Variants in ZNF567 observed in about 807,000 individuals in gnomAD.
ZNF567 encodes zinc finger protein 567.
In ZNF567, 36 loss-of-function variants were observed where a neutral mutation model predicts 53.9. That is an observed-to-expected ratio of 0.67 (90% CI 0.51 to 0.88). ZNF567 has a LOEUF of 0.88. Ranked by LOEUF, ZNF567 falls within the 40% of genes least tolerant of loss-of-function variation. ZNF567 has a pLI of 0.00. For missense variants in ZNF567, 619 were observed against 764.7 expected, an observed-to-expected ratio of 0.81 and a Z score of 2.25; for synonymous variants, 224 against 260.4, an observed-to-expected ratio of 0.86 and a Z score of 1.35.
At chr19:36,726,270 T>G (rs1568725365), downstream of ZNF567, among the ~76,000 whole-genome samples, 2 of 152,258 alleles carry the variant, frequency 1.3e-5, no homozygotes, top group Non-Finnish European at 2.9e-5. Flanking sequence ...ATCATTGTCA[T>G]TTTCATGCTC....
At chr19:36,680,372 A>C in the ZNF567 span, among the ~76,000 whole-genome samples, 1 of 152,186 alleles carries the variant, frequency 6.6e-6, no homozygotes, top group African/African-American at 2.4e-5. Flanking sequence ...TTTGTCAGCA[A>C]GTAGCGGTAA....
intron 3 of ZNF567, among the ~76,000 whole-genome samples, chr19:36,707,648 G>T (rs1001754809): frequency 6.6e-6 from 1 of 152,132 alleles, no homozygotes; most frequent in Admixed American, 6.5e-5. Context: ...TGTGATCTCA[G>T]CTCACTGCAA....
the ZNF567 span, among the ~76,000 whole-genome samples, chr19:36,671,423 A>G: frequency 9.2e-5 from 14 of 152,208 alleles, no homozygotes; most frequent in African/African-American, 3.1e-4. Flanking sequence ...GAAGCAACGC[A>G]TTCCTCACTT....
At chr19:36,699,760 G>A (rs902090255) in intron 3 of ZNF567, among the ~76,000 whole-genome samples, 6 of 151,578 alleles carry the variant, frequency 4.0e-5, no homozygotes, top group Non-Finnish European at 7.4e-5. Context: ...TGTGATTTTT[G>A]TACATTGATT....
intron 2 of ZNF567, among the ~76,000 whole-genome samples, chr19:36,693,175 C>A (rs2038710397): frequency 6.6e-6 from 1 of 152,136 alleles, no homozygotes; most frequent in Non-Finnish European, 1.5e-5. Flanking sequence ...GTAGTCCCAG[C>A]TACCCAGGAG....
chr19:36,673,479 A>G, the ZNF567 span, among the ~76,000 whole-genome samples: 3 of 152,192 alleles, frequency 2.0e-5, no homozygotes, highest in Non-Finnish European at 4.4e-5. Context: ...GCCTCATTCA[A>G]TCAGCTAAAG....
At chr19:36,681,236 A>G in the ZNF567 span, among the ~76,000 whole-genome samples, 524 of 152,126 alleles carry the variant, frequency 3.4e-3, 4 homozygotes, top group Non-Finnish European at 4.7e-3. Context: ...GCCTCAAGCA[A>G]TCCTTCCACC....
In ZNF567 at chr19:36,720,179, C is replaced by T; in HGVS notation, c.1455C>T (p.Ala485=). Reference sequence around the variant, plus strand: ...ATGAATGTCCTCACTGTGGGAAGGCCTTTAGAATGAAGTCATACCTCATTG... The same window carrying T: ...ATGAATGTCCTCACTGTGGGAAGGCTTTTAGAATGAAGTCATACCTCATTG... ...KSYECPHCGK[A]FRMKSYLIDH... The change falls in exon 6 of 6, where the codon GCC becomes GCT. Residue 485 remains alanine, a synonymous_variant. Coordinates refer to ENST00000682579, the MANE Select transcript of ZNF567 (RefSeq NM_001322917.1). The T allele has an allele frequency of 6.2e-7, 1 of 1,613,546 alleles. No homozygotes were observed. Among genetic ancestry groups the T allele is most frequent in the Non-Finnish European group, 8.5e-7 (1 of 1,179,884 alleles).
At chr19:36,704,238 A>C (rs985370383) in intron 3 of ZNF567, among the ~76,000 whole-genome samples, 2 of 152,146 alleles carry the variant, frequency 1.3e-5, no homozygotes, top group Admixed American at 6.6e-5. Flanking sequence ...CAGGAGTTCA[A>C]GACTGGCCTG....
chr19:36,702,360 T>G (rs2039241598), intron 3 of ZNF567, among the ~76,000 whole-genome samples: 1 of 151,902 alleles, frequency 6.6e-6, no homozygotes, highest in East Asian at 1.9e-4. Flanking sequence ...CCTTAACATT[T>G]TTTCCTTCAT....
At chr19:36,696,721 C>A (rs1183675941) in intron 3 of ZNF567, among the ~76,000 whole-genome samples, 1 of 152,196 alleles carries the variant, frequency 6.6e-6, no homozygotes, top group African/African-American at 2.4e-5. Context: ...TTAACATCTT[C>A]ACTTATTTTC....
chr19:36,715,086 C>T (rs2039974656), intron 5 of ZNF567, among the ~76,000 whole-genome samples: 1 of 152,096 alleles, frequency 6.6e-6, no homozygotes, highest in African/African-American at 2.4e-5. Context: ...TATCATCTCA[C>T]CTATTTTCTG....
At chr19:36,682,473 G>A in the ZNF567 span, among the ~76,000 whole-genome samples, 1 of 151,440 alleles carries the variant, frequency 6.6e-6, no homozygotes, top group Non-Finnish European at 1.5e-5. Flanking sequence ...TATTATAGAG[G>A]TCAAACTAAT....
At chr19:36,695,627 G>A (rs1443103980) in intron 3 of ZNF567, among the ~76,000 whole-genome samples, 2 of 151,736 alleles carry the variant, frequency 1.3e-5, no homozygotes, top group African/African-American at 4.8e-5. Flanking sequence ...TAAGCCCAGA[G>A]GTCAGGTCTA....
upstream of ZNF567, among the ~76,000 whole-genome samples, chr19:36,682,842 C>T (rs1204943735): frequency 6.6e-6 from 1 of 151,714 alleles, no homozygotes; most frequent in African/African-American, 2.4e-5. Flanking sequence ...CTCCTGACCT[C>T]GTGATCCGCC....
downstream of ZNF567, among the ~76,000 whole-genome samples, chr19:36,726,365 T>A (rs151256575): frequency 5.3e-4 from 80 of 152,324 alleles, 1 homozygote; most frequent in African/African-American, 1.8e-3. Context: ...AGATTGTAGA[T>A]CTTATTTAAA....
At chr19:36,690,524 G>A (rs1450271917) in intron 2 of ZNF567, among the ~76,000 whole-genome samples, 2 of 152,102 alleles carry the variant, frequency 1.3e-5, no homozygotes, top group Non-Finnish European at 1.5e-5. Flanking sequence ...CAGGGAGGTC[G>A]AGGCTGCAGT....
chr19:36,695,696 T>TAA (rs35481709), intron 3 of ZNF567, among the ~76,000 whole-genome samples: 193 of 144,946 alleles, frequency 1.3e-3, no homozygotes, highest in African/African-American at 2.8e-3. Flanking sequence ...CTCTCTTTAT[T>TAA]AAAAAAAAAA....
chr19:36,668,728 TGA>T, the ZNF567 span: 7 of 152,224 alleles, frequency 4.6e-5, no homozygotes, highest in South Asian at 2.1e-4. Context: ...TTAACCTTGC[TGA>T]GAGACCAGTA....
Sources: allele counts gnomAD v4.1 joint callset (sites outside exome capture counted in the v4.1 genomes callset), GRCh38; gene constraint gnomAD v4.1.1; transcripts MANE v1.5; gene names NCBI Gene and HGNC (gene_info 2026-07-23, HGNC 2026-07-21).